The following SYT1 variants were observed in gnomAD, a reference collection of about 807,000 sequenced individuals.
SYT1 encodes the protein synaptotagmin-1.
SYT1 carries 8 observed loss-of-function variants against 44.8 expected under a neutral mutation model. The ratio of observed to expected loss-of-function variants is 0.18; its 90% CI spans 0.10 to 0.32. The LOEUF (loss-of-function observed/expected upper bound fraction) is 0.32. SYT1 is among the 10% of genes least tolerant of loss of function. The probability of loss-of-function intolerance (pLI) is 1.00; values close to 1 mark genes in which losing one functional copy is unlikely to be tolerated. For missense variants in SYT1, 286 were observed against 509.3 expected (o/e 0.56, Z 4.22); for synonymous variants, 154 against 188.8 (o/e 0.82, Z 1.51).
At chr12:79,044,873 T>C (rs1873887471) in intron 2 of SYT1, among the ~76,000 whole-genome samples, 1 of 152,068 alleles carries the variant, frequency 6.6e-6, no homozygotes, top group Admixed American at 6.5e-5. Context: ...GCAGGTCTGT[T>C]GGAGTACGCT....
chr12:79,418,965 T>A (rs1414200839), intron 9 of SYT1, among the ~76,000 whole-genome samples: 1 of 152,070 alleles, frequency 6.6e-6, no homozygotes, highest in Non-Finnish European at 1.5e-5. Context: ...GTCAGTAGAT[T>A]TTAAAACTCA....
chr12:78,980,626 G>A (rs558903983), intron 2 of SYT1, among the ~76,000 whole-genome samples: 2 of 152,096 alleles, frequency 1.3e-5, no homozygotes, highest in South Asian at 4.1e-4. Flanking sequence ...TGCTATAAAT[G>A]CTGTTTCATG....
intron 3 of SYT1, among the ~76,000 whole-genome samples, chr12:79,133,543 C>CA (rs540566933): frequency 7.2e-5 from 11 of 152,040 alleles, no homozygotes; most frequent in Non-Finnish European, 1.3e-4. Flanking sequence ...ATTATGTATC[C>CA]AAAAAAATTA....
At chr12:79,197,052 A>G (rs995516622) in intron 3 of SYT1, among the ~76,000 whole-genome samples, 2 of 152,214 alleles carry the variant, frequency 1.3e-5, no homozygotes. Context: ...CTTTGACAAG[A>G]TGTGGCTGAA....
At chr12:79,094,491 T>C (rs1410705384) in intron 3 of SYT1, among the ~76,000 whole-genome samples, 1 of 151,878 alleles carries the variant, frequency 6.6e-6, no homozygotes, top group Non-Finnish European at 1.5e-5. Context: ...CACACATGTA[T>C]AAACATATAC....
At chr12:79,111,351 C>G (rs1334625866) in intron 3 of SYT1, among the ~76,000 whole-genome samples, 1 of 152,034 alleles carries the variant, frequency 6.6e-6, no homozygotes, top group East Asian at 1.9e-4. Flanking sequence ...TACTCTTTCT[C>G]TTCCTGGAAC....
chr12:78,915,205 A>G (rs937564086), intron 1 of SYT1, among the ~76,000 whole-genome samples: 15 of 152,156 alleles, frequency 9.9e-5, no homozygotes, highest in African/African-American at 3.6e-4. Flanking sequence ...CACTATTTTA[A>G]TAATAGATCA....
chr12:79,353,312 A>C (rs1882984666), intron 8 of SYT1, among the ~76,000 whole-genome samples, 190 bp from the exon 9 acceptor site: 1 of 136,092 alleles, frequency 7.3e-6, no homozygotes, highest in Non-Finnish European at 1.6e-5. Context: ...AGATGGTCTT[A>C]AAAAAAAAAA....
chr12:79,440,145 G>A (rs1011031133), intron 9 of SYT1, among the ~76,000 whole-genome samples: 20 of 152,154 alleles, frequency 1.3e-4, no homozygotes, highest in Admixed American at 5.2e-4. Context: ...TTGAACCTGG[G>A]AGGCAGAGGT....
intron 1 of SYT1, among the ~76,000 whole-genome samples, chr12:78,896,390 AAG>A (rs1231049837): frequency 6.6e-6 from 1 of 151,818 alleles, no homozygotes; most frequent in Non-Finnish European, 1.5e-5. Context: ...TAAATTATGA[AAG>A]AAAATATTTT....
intron 3 of SYT1, among the ~76,000 whole-genome samples, chr12:79,181,340 T>A (rs989250209): frequency 1.3e-5 from 2 of 152,050 alleles, no homozygotes; most frequent in Admixed American, 6.6e-5. Flanking sequence ...ACATAGAAAT[T>A]TGGAGTGGAA....
intron 1 of SYT1, among the ~76,000 whole-genome samples, chr12:78,869,446 T>C (rs896491390): frequency 6.6e-6 from 1 of 152,000 alleles, no homozygotes; most frequent in Non-Finnish European, 1.5e-5. Flanking sequence ...AAATTAACTT[T>C]TGTTTTATTA....
intron 9 of SYT1, among the ~76,000 whole-genome samples, chr12:79,404,014 A>AT (rs1284853334): frequency 6.6e-6 from 1 of 152,150 alleles, no homozygotes; most frequent in Non-Finnish European, 1.5e-5. Context: ...GATAAGTCAT[A>AT]TTTTATAAGT....
chr12:79,207,885 CA>C (rs1417060870), intron 3 of SYT1, among the ~76,000 whole-genome samples: 1 of 152,002 alleles, frequency 6.6e-6, no homozygotes, highest in Non-Finnish European at 1.5e-5. Flanking sequence ...TAGCAAACTA[CA>C]TAAGAAAAAA....
intron 3 of SYT1, among the ~76,000 whole-genome samples, chr12:79,200,720 A>G (rs1000890854): frequency 6.6e-6 from 1 of 152,164 alleles, no homozygotes; most frequent in African/African-American, 2.4e-5. Context: ...GGGGAAAGAG[A>G]TTTGCCCAGT....
intron 4 of SYT1, among the ~76,000 whole-genome samples, chr12:79,220,046 A>T (rs570326742): frequency 6.6e-6 from 1 of 152,134 alleles, no homozygotes; most frequent in South Asian, 2.1e-4. Flanking sequence ...AGCAATGAAG[A>T]TATAAGGTCT....
intron 1 of SYT1, among the ~76,000 whole-genome samples, chr12:78,931,701 T>C (rs944533264): frequency 1.3e-5 from 2 of 152,188 alleles, no homozygotes; most frequent in African/African-American, 4.8e-5. Context: ...CAGCTGCTAT[T>C]GTTCTGTGTC....
At chr12:79,242,939 G>A (rs576378374) in intron 4 of SYT1, among the ~76,000 whole-genome samples, 2 of 152,292 alleles carry the variant, frequency 1.3e-5, no homozygotes, top group African/African-American at 4.8e-5. Flanking sequence ...AAGAAAAGGA[G>A]ATTTAATGGA....
intron 3 of SYT1, among the ~76,000 whole-genome samples, chr12:79,047,990 A>C (rs1242261209): frequency 6.6e-6 from 1 of 151,904 alleles, no homozygotes; most frequent in Non-Finnish European, 1.5e-5. Flanking sequence ...AAAATTGGTG[A>C]CAATATAAAA....
Sources: allele counts gnomAD v4.1 joint callset (sites outside exome capture counted in the v4.1 genomes callset), GRCh38; gene constraint gnomAD v4.1.1; transcripts MANE v1.5; gene names NCBI Gene and HGNC (gene_info 2026-07-23, HGNC 2026-07-21).